Variants in PTPRK observed in about 807,000 individuals in gnomAD.
The protein encoded by PTPRK is receptor-type tyrosine-protein phosphatase kappa.
PTPRK carries 75 observed loss-of-function variants against 178.0 expected under a neutral mutation model. That is an observed-to-expected ratio of 0.42 (90% CI 0.35 to 0.51). PTPRK has a LOEUF of 0.51. PTPRK is among the 20% of genes least tolerant of loss of function. The pLI, the probability that PTPRK is intolerant of heterozygous loss-of-function variation, is 0.02. For synonymous variants in PTPRK, 637 were observed against 620.6 expected (o/e 1.03, Z -0.39); for missense variants, 1,441 against 1,797.8 (o/e 0.80, Z 3.59).
intron 2 of PTPRK, among the ~76,000 whole-genome samples, chr6:128,386,032 G>A (rs911436485): frequency 2.0e-5 from 3 of 152,038 alleles, no homozygotes; most frequent in Non-Finnish European, 4.4e-5. Context: ...TACTTTTAAT[G>A]TTCTGTTTTT....
rs542631165 is a variant in PTPRK at position 128,268,756 on chromosome 6, C to T, written c.496-26154G>A. On this transcript the variant is annotated intron_variant, in intron 3 of 29. Transcript: ENST00000368226. ...AATCAGTCCTTTATCTGGAGTACTA[C>T]GTCCCCTTTAAATATAGCCATCTAA... Among the ~76,000 whole-genome samples the T allele has an allele frequency of 8.5e-5, 13 of 152,074 alleles. No individual in the cohort carries two copies. In the South Asian group the frequency reaches 2.3e-3, roughly 27 times the overall value.
Position 128,400,813 on chromosome 6 carries a change from C to A in PTPRK, c.101-3125G>T, listed in dbSNP as rs139191829. On this transcript the variant is annotated intron_variant, in intron 1 of 29. Transcript: ENST00000368226. ...TAAATCTATTTAAAAAGAGAAATGT[C>A]ATAGCAAGCTCCTAATTCATAAATT... Among the ~76,000 whole-genome samples, 37 of 152,244 alleles carry A rather than the reference C, an allele frequency of 2.4e-4. No individual in the cohort carries two copies. In the East Asian group the frequency reaches 7.1e-3, roughly 29 times the overall value.
intron 18 of PTPRK, among the ~76,000 whole-genome samples, chr6:127,994,463 A>G (rs1237934833): frequency 6.6e-6 from 1 of 151,788 alleles, no homozygotes; most frequent in Non-Finnish European, 1.5e-5. Flanking sequence ...GCATTACTTC[A>G]TTGAATTCTC....
At chr6:128,305,622 C>T (rs2128313817) in intron 3 of PTPRK, among the ~76,000 whole-genome samples, 1 of 152,252 alleles carries the variant, frequency 6.6e-6, no homozygotes, top group Middle Eastern at 3.4e-3. Context: ...AAAGGCTATC[C>T]ATGCAGGTTG....
chr6:128,246,008 G>A (rs1815394166), intron 3 of PTPRK, among the ~76,000 whole-genome samples: 1 of 152,002 alleles, frequency 6.6e-6, no homozygotes, highest in Non-Finnish European at 1.5e-5. Flanking sequence ...AGTTTTCTAA[G>A]GATTAAATAG....
intron 3 of PTPRK, among the ~76,000 whole-genome samples, chr6:128,298,343 A>G (rs1399550813): frequency 6.6e-6 from 1 of 151,948 alleles, no homozygotes; most frequent in African/African-American, 2.4e-5. Context: ...TATTCCAATC[A>G]ATAGAAAAAG....
chr6:128,384,198 T>C lies in PTPRK; in HGVS notation c.223+13368A>G, dbSNP rs377206565. 1.1e-4 allele frequency among the ~76,000 whole-genome samples: 16 copies of C among 152,258 alleles called. 1 individual carries two copies. The highest frequency in any genetic ancestry group is 3.8e-4 in the African/African-American group (16 of 41,568). ...CTCATTCAAGACTCACTTTGACAACTGGTTGAAGGGGGACTTCTCATAGAT... is the reference window on the plus strand; with the variant it reads ...CTCATTCAAGACTCACTTTGACAACCGGTTGAAGGGGGACTTCTCATAGAT... On this transcript the variant is annotated intron_variant, in intron 2 of 29. Coordinates refer to ENST00000368226, the MANE Select transcript of PTPRK (RefSeq NM_002844.4).
chr6:128,229,131 T>C (rs572749273), intron 5 of PTPRK, among the ~76,000 whole-genome samples: 12 of 148,562 alleles, frequency 8.1e-5, no homozygotes, highest in African/African-American at 2.6e-4. Flanking sequence ...ATATTGAATA[T>C]TAAAAACATA....
chr6:128,080,943 A>C (rs1238303758), intron 10 of PTPRK, among the ~76,000 whole-genome samples: 1 of 152,058 alleles, frequency 6.6e-6, no homozygotes, highest in Non-Finnish European at 1.5e-5. Context: ...AGAAAAAATC[A>C]GATGGATGTT....
chr6:128,148,111 G>A (rs1796746571), intron 7 of PTPRK, among the ~76,000 whole-genome samples: 2 of 152,108 alleles, frequency 1.3e-5, no homozygotes, highest in Admixed American at 6.6e-5. Context: ...ATATTTGGTT[G>A]AACCACAGCA....
intron 2 of PTPRK, among the ~76,000 whole-genome samples, chr6:128,396,915 T>C (rs541725287): frequency 6.6e-6 from 1 of 152,196 alleles, no homozygotes; most frequent in Admixed American, 6.5e-5. Flanking sequence ...GGGGAATCAC[T>C]TGAACCTGGG....
chr6:128,335,184 T>C (rs781592293), intron 2 of PTPRK, among the ~76,000 whole-genome samples: 1 of 152,132 alleles, frequency 6.6e-6, no homozygotes, highest in Non-Finnish European at 1.5e-5. Context: ...CTTTCCACTA[T>C]GTCTCCTCTC....
chr6:128,324,312 T>G (rs1225721625), intron 2 of PTPRK, among the ~76,000 whole-genome samples: 1 of 152,166 alleles, frequency 6.6e-6, no homozygotes, highest in Non-Finnish European at 1.5e-5. Flanking sequence ...TTTCTAATAG[T>G]CATTTTTTCC....
In PTPRK at chr6:128,352,422, A is replaced by AGG. The variant is rs377454831; in HGVS notation, c.224-30113_224-30112insCC. Among the ~76,000 whole-genome samples, 7 of 518 alleles carry AGG rather than the reference A, an allele frequency of 0.014. No homozygotes were observed. In the East Asian group the frequency reaches 0.42, roughly 31 times the overall value. The allele number at this position is 518 out of a possible 152,430, so 0.3% of individuals were successfully genotyped here. ...TCATTCTGCAACTACCTCTAGTTGCAGATCACTGTACAGTCCAGATTTGAT... is the reference window on the plus strand; with the variant it reads ...TCATTCTGCAACTACCTCTAGTTGCAGGGATCACTGTACAGTCCAGATTTGAT... On this transcript the variant is annotated intron_variant, in intron 2 of 29. Transcript: ENST00000368226.
chr6:128,193,259 C>A (rs1425107874), intron 6 of PTPRK, among the ~76,000 whole-genome samples: 1 of 72,222 alleles, frequency 1.4e-5, no homozygotes, highest in African/African-American at 5.6e-5. Flanking sequence ...CAAGTGGAAT[C>A]AAATGATTTA....
At chr6:128,298,780 A>C (rs1260000431) in intron 3 of PTPRK, among the ~76,000 whole-genome samples, 1 of 152,100 alleles carries the variant, frequency 6.6e-6, no homozygotes, top group Non-Finnish European at 1.5e-5. Context: ...ATGGGCAAAA[A>C]CTGGAAGCAT....
intron 1 of PTPRK, among the ~76,000 whole-genome samples, chr6:128,460,532 G>A (rs1454693612): frequency 2.0e-5 from 3 of 151,742 alleles, no homozygotes; most frequent in Admixed American, 6.6e-5. Context: ...GCAACAAAGT[G>A]AGACCTGTCT....
At chr6:128,462,028 G>A (rs1026183306) in intron 1 of PTPRK, among the ~76,000 whole-genome samples, 2 of 151,978 alleles carry the variant, frequency 1.3e-5, no homozygotes, top group African/African-American at 4.8e-5. Flanking sequence ...AGGGTCTTGC[G>A]ATGTTGCCCA....
chr6:128,502,824 G>T (rs1247567671), intron 1 of PTPRK, among the ~76,000 whole-genome samples: 1 of 152,038 alleles, frequency 6.6e-6, no homozygotes, highest in Non-Finnish European at 1.5e-5. Context: ...ACTAAATAAG[G>T]GTGTGTTACT....
Sources: allele counts gnomAD v4.1 joint callset (sites outside exome capture counted in the v4.1 genomes callset), GRCh38; gene constraint gnomAD v4.1.1; transcripts MANE v1.5; gene names NCBI Gene and HGNC (gene_info 2026-07-23, HGNC 2026-07-21).